Variants in TENM3 observed in about 807,000 individuals in gnomAD.
The protein encoded by TENM3 is teneurin-3.
Under a neutral mutation model 255.1 loss-of-function variants are expected in TENM3, and 63 were observed. The observed-to-expected ratio is 0.25, with a 90% confidence interval of 0.20 to 0.30. The LOEUF is 0.30. Among genes scored for constraint, TENM3 ranks in the 10% least tolerant of loss-of-function variants. The pLI, the probability that TENM3 is intolerant of heterozygous loss-of-function variation, is 1.00. For missense variants in TENM3, 2,929 were observed against 3,461.1 expected (o/e 0.85, Z 3.86); for synonymous variants, 1,306 against 1,322.3 (o/e 0.99, Z 0.27).
At chr4:182,066,598 AAATAT>A in the TENM3 span, among the ~76,000 whole-genome samples, 43 of 33,370 alleles carry the variant, frequency 1.3e-3, no homozygotes, top group Non-Finnish European at 2.2e-3. Flanking sequence ...GGTAAAAAAA[AAATAT>A]ATATATATAT....
intron 3 of TENM3, among the ~76,000 whole-genome samples, chr4:182,407,587 GTGAA>G (rs546095847): frequency 3.1e-4 from 47 of 152,158 alleles, no homozygotes; most frequent in Admixed American, 3.9e-4. Flanking sequence ...CATTTGCTGA[GTGAA>G]TGAATGAATG....
At chr4:181,897,952 C>A in the TENM3 span, among the ~76,000 whole-genome samples, 2 of 152,140 alleles carry the variant, frequency 1.3e-5, no homozygotes, top group Non-Finnish European at 2.9e-5. Context: ...ATATCAAAAT[C>A]CTCACCAAAA....
At chr4:181,538,825 C>T in the TENM3 span, among the ~76,000 whole-genome samples, 1 of 152,144 alleles carries the variant, frequency 6.6e-6, no homozygotes, top group Non-Finnish European at 1.5e-5. Context: ...TGATTCTTGA[C>T]CTTGAATAAT....
At chr4:182,250,422 G>T (rs1217676843) in intron 1 of TENM3, among the ~76,000 whole-genome samples, 4 of 152,000 alleles carry the variant, frequency 2.6e-5, no homozygotes, top group Non-Finnish European at 5.9e-5. Context: ...TCCTTATTTG[G>T]CAGATGAGGA....
At chr4:182,537,653 A>G (rs1425493249) in intron 3 of TENM3, among the ~76,000 whole-genome samples, 2 of 148,888 alleles carry the variant, frequency 1.3e-5, no homozygotes, top group Non-Finnish European at 1.5e-5. Flanking sequence ...AAAGTTTTCT[A>G]TGACACCGTC....
At chr4:182,769,750 C>G (rs1233117999) in intron 22 of TENM3, among the ~76,000 whole-genome samples, 1 of 147,434 alleles carries the variant, frequency 6.8e-6, no homozygotes, top group Non-Finnish European at 1.5e-5. Context: ...CACCACTGTA[C>G]TCTAGCCTAG....
the TENM3 span, among the ~76,000 whole-genome samples, chr4:181,968,200 T>C: frequency 6.6e-6 from 1 of 152,154 alleles, no homozygotes; most frequent in Admixed American, 6.5e-5. Context: ...AGACCTCCTG[T>C]TATGCTTCAG....
Position 182,799,975 on chromosome 4 carries a change from T to C in TENM3, c.7724T>C (p.Ile2575Thr). ...GGCCGCAAGGCGCTGGAGAACGGCA[T>C]CAACGTGACGGTGTCGCAGTCCACC... Reference protein sequence around the residue: ...TSGRKALENGINVTVSQSTTV... With the variant: ...TSGRKALENGTNVTVSQSTTV... The change falls in exon 28 of 28, where the codon ATC becomes ACC. Residue 2575 changes from isoleucine (I) to threonine (T), a missense_variant. Transcript: ENST00000511685. This position sits in a 1 kb window ranked among gnomAD's most constrained non-coding sequence, Gnocchi z 4.2. The C allele has an allele frequency of 6.3e-7, 1 of 1,592,092 alleles. No homozygotes were observed. The highest frequency in any genetic ancestry group is 1.7e-4 in the Middle Eastern group (1 of 6,042).
intron 1 of TENM3, among the ~76,000 whole-genome samples, chr4:182,177,536 A>G (rs1199625778): frequency 6.6e-6 from 1 of 151,970 alleles, no homozygotes. Context: ...GGCAATTACA[A>G]ATGATCTTTG....
chr4:181,538,497 A>G, the TENM3 span, among the ~76,000 whole-genome samples: 5 of 151,774 alleles, frequency 3.3e-5, no homozygotes, highest in Admixed American at 6.6e-5. Flanking sequence ...AAGAAGAAAC[A>G]ATCTCAGTGC....
At chr4:182,618,992 T>G (rs1268289422) in intron 4 of TENM3, among the ~76,000 whole-genome samples, 1 of 151,942 alleles carries the variant, frequency 6.6e-6, no homozygotes, top group Non-Finnish European at 1.5e-5. Flanking sequence ...TTACCCAAAG[T>G]CTGGCAGTTA....
the TENM3 span, among the ~76,000 whole-genome samples, chr4:181,724,404 C>T: frequency 1.3e-5 from 2 of 151,982 alleles, no homozygotes; most frequent in Admixed American, 1.3e-4. Context: ...TAAGTATTCA[C>T]CTATCTTCCA....
At chr4:181,463,799 A>G in the TENM3 span, among the ~76,000 whole-genome samples, 1 of 152,026 alleles carries the variant, frequency 6.6e-6, no homozygotes, top group Non-Finnish European at 1.5e-5. Flanking sequence ...TTTAGCAGTC[A>G]CTTTTCATCA....
chr4:182,448,581 G>C (rs1773133874), intron 3 of TENM3, among the ~76,000 whole-genome samples: 1 of 152,286 alleles, frequency 6.6e-6, no homozygotes, highest in Non-Finnish European at 1.5e-5. Flanking sequence ...AAGTAGCGCT[G>C]CCGGAGAACA....
chr4:181,669,834 T>C, the TENM3 span, among the ~76,000 whole-genome samples: 1 of 152,164 alleles, frequency 6.6e-6, no homozygotes, highest in South Asian at 2.1e-4. Flanking sequence ...GAAATCCTTG[T>C]TCGATGGGAC....
the TENM3 span, among the ~76,000 whole-genome samples, chr4:181,491,067 C>T: frequency 6.6e-6 from 1 of 151,430 alleles, no homozygotes; most frequent in Non-Finnish European, 1.5e-5. Context: ...TAAAAAATAC[C>T]TTCTGAGACT....
chr4:182,628,572 G>A, intron 4 of TENM3, 79 bp from the exon 5 acceptor site: 1 of 868,322 alleles, frequency 1.2e-6, no homozygotes, highest in Non-Finnish European at 1.9e-6. Flanking sequence ...AGAGACAGGA[G>A]AGCTAAATGC....
At chr4:182,778,721 C>A (rs1561240568) in intron 24 of TENM3, among the ~76,000 whole-genome samples, 1 of 152,154 alleles carries the variant, frequency 6.6e-6, no homozygotes, top group Non-Finnish European at 1.5e-5. Context: ...TGATTAATTA[C>A]AATCATGCTG....
chr4:182,757,618 G>A (rs1435146973), intron 22 of TENM3, among the ~76,000 whole-genome samples: 1 of 152,160 alleles, frequency 6.6e-6, no homozygotes, highest in Non-Finnish European at 1.5e-5. Flanking sequence ...ATGTGGGATA[G>A]TATAAACCAA....
Sources: allele counts gnomAD v4.1 joint callset (sites outside exome capture counted in the v4.1 genomes callset), GRCh38; gene constraint gnomAD v4.1.1; non-coding constraint Gnocchi (gnomAD v3.1); transcripts MANE v1.5; gene names NCBI Gene and HGNC (gene_info 2026-07-23, HGNC 2026-07-21).